The following GABRA3 variants were observed in gnomAD, a reference collection of about 807,000 sequenced individuals.
GABRA3 encodes gamma-aminobutyric acid receptor subunit alpha-3.
Under a neutral mutation model 30.1 loss-of-function variants are expected in GABRA3, and 10 were observed. The ratio of observed to expected loss-of-function variants is 0.33; its 90% CI spans 0.20 to 0.56. The LOEUF (loss-of-function observed/expected upper bound fraction) is 0.56. Among genes scored for constraint, GABRA3 ranks in the 20% least tolerant of loss-of-function variants. GABRA3 has a pLI of 0.89. For synonymous variants in GABRA3, 151 were observed against 146.8 expected (o/e 1.03, Z -0.21); for missense variants, 233 against 392.0 (o/e 0.59, Z 3.42).
At chrX:152,258,193 G>A (rs756759037) in intron 4 of GABRA3, among the ~76,000 whole-genome samples, 25 of 111,969 alleles carry the variant, frequency 2.2e-4, no homozygotes, top group African/African-American at 5.8e-4. Context: ...AAGGTTATGA[G>A]GGGAAGGGAG....
intron 1 of GABRA3, among the ~76,000 whole-genome samples, chrX:152,369,823 C>G (rs939124280): frequency 3.6e-5 from 4 of 110,401 alleles, no homozygotes; most frequent in African/African-American, 1.3e-4. Context: ...AGATATATGC[C>G]CAATGCATAG....
chrX:152,256,521 A>G (rs1938639917), intron 4 of GABRA3, among the ~76,000 whole-genome samples: 1 of 112,185 alleles, frequency 8.9e-6, no homozygotes, highest in Non-Finnish European at 1.9e-5. Context: ...TAAATAAGAT[A>G]AAAAACATAC....
chrX:152,327,585 C>G (rs2124471077), intron 3 of GABRA3, among the ~76,000 whole-genome samples: 1 of 111,992 alleles, frequency 8.9e-6, no homozygotes, highest in South Asian at 3.7e-4. Flanking sequence ...ACTGAACAAC[C>G]TGCTCCTGAA....
At position 152,308,497 on chromosome X, in the gene GABRA3, C is replaced by A. The variant is rs762546436; in HGVS notation, c.263-23762G>T. Among the ~76,000 whole-genome samples, 3 of 112,286 alleles carry A rather than the reference C, an allele frequency of 2.7e-5. No individual in the cohort carries two copies. The South Asian group carries it at 1.1e-3, about 42-fold the overall frequency. ...AACAAAGCAGAGGGCCTGGTCTCAG[C>A]CCTCCAGGATTAGAGCACACAGCCC... is the stretch of plus-strand genomic sequence containing the variant. On this transcript the variant is annotated intron_variant, in intron 3 of 9. Transcript: ENST00000370314.
chrX:152,216,708 A>G (rs758946545), intron 6 of GABRA3, among the ~76,000 whole-genome samples: 4 of 109,942 alleles, frequency 3.6e-5, no homozygotes, highest in African/African-American at 1.3e-4. Flanking sequence ...GGTACAAGGT[A>G]CAGTTGGATA....
intron 9 of GABRA3, among the ~76,000 whole-genome samples, chrX:152,186,361 C>T (rs755449410): frequency 3.6e-5 from 4 of 110,167 alleles, no homozygotes; most frequent in Non-Finnish European, 7.6e-5. Flanking sequence ...GCTACCGTGC[C>T]CAGCTAATTT....
At chrX:152,283,994 G>A (rs762322348) in intron 4 of GABRA3, among the ~76,000 whole-genome samples, 93 of 110,817 alleles carry the variant, frequency 8.4e-4, no homozygotes, top group African/African-American at 2.7e-3. Flanking sequence ...AGTATATATC[G>A]ATAGGGTATC....
chrX:152,223,749 T>G (rs1937886009), intron 6 of GABRA3, among the ~76,000 whole-genome samples: 1 of 110,441 alleles, frequency 9.1e-6, no homozygotes, highest in Admixed American at 9.7e-5. Context: ...CACCCTACTT[T>G]CAATTTCAGT....
Position 152,361,571 on chromosome X carries a change from C to CAAA in GABRA3, c.140+2857_140+2859dup, listed in dbSNP as rs35341591. 2.6e-4 allele frequency among the ~76,000 whole-genome samples: 9 copies of CAAA among 34,938 alleles called. 1 individual carries two copies. Among genetic ancestry groups the CAAA allele is most frequent in the African/African-American group, 8.3e-4 (9 of 10,851 alleles). The allele number at this position is 34,938 out of a possible 115,157, so 30.3% of individuals were successfully genotyped here. A position where few individuals can be genotyped will look rare whatever the true frequency, so the allele number is the denominator to read the frequency against. On this transcript the variant is annotated intron_variant, in intron 2 of 9. Coordinates refer to ENST00000370314, the MANE Select transcript of GABRA3 (RefSeq NM_000808.4). ...CTGGGTGAAGAGTGAGACTCCATCT[C>CAAA]AAAAAAAAAAAAAAAAAAAAAATTC...
At chrX:152,358,484 G>A (rs1401862343) in intron 2 of GABRA3, among the ~76,000 whole-genome samples, 2 of 111,457 alleles carry the variant, frequency 1.8e-5, no homozygotes, top group Admixed American at 9.6e-5. Context: ...CATATTGTCT[G>A]CAAACAGAGA....
In GABRA3 at chrX:152,168,075, G is replaced by T; in HGVS notation, c.*153C>A. ...AGTAATTTTTCTGTAGTTATTTTTT[G>T]CGTAGAGATTCATAAATATGAATTG... On this transcript the variant is annotated 3_prime_UTR_variant, in exon 10 of 10. Transcript: ENST00000370314. 1 of 463,883 alleles carries T rather than the reference G, an allele frequency of 2.2e-6. No homozygotes were observed. The highest frequency in any genetic ancestry group is 3.7e-6 in the Non-Finnish European group (1 of 270,483). The allele number at this position is 463,883 out of a possible 1,213,427, so 38.2% of individuals were successfully genotyped here. A position where few individuals can be genotyped will look rare whatever the true frequency, so the allele number is the denominator to read the frequency against.
At chrX:152,206,513 G>A (rs1171963583) in intron 7 of GABRA3, among the ~76,000 whole-genome samples, 1 of 111,962 alleles carries the variant, frequency 8.9e-6, no homozygotes, top group Non-Finnish European at 1.9e-5. Context: ...TACCTGTGCA[G>A]CCAGTGCAGG....
chrX:152,221,750 A>C (rs149280478), intron 6 of GABRA3, among the ~76,000 whole-genome samples: 3,819 of 111,606 alleles, frequency 0.034, 61 homozygotes, highest in Middle Eastern at 0.069. Flanking sequence ...AGGGGTACAT[A>C]TGCAGGATGT....
At chrX:152,413,467 A>C (rs770419390) in intron 1 of GABRA3, among the ~76,000 whole-genome samples, 1 of 111,827 alleles carries the variant, frequency 8.9e-6, no homozygotes, top group African/African-American at 3.2e-5. Context: ...TATACATCTT[A>C]ATTAAGTAAG....
intron 5 of GABRA3, among the ~76,000 whole-genome samples, chrX:152,230,683 C>T (rs1225950825): frequency 9.0e-6 from 1 of 110,706 alleles, no homozygotes; most frequent in African/African-American, 3.3e-5. Context: ...TGATTTTTGA[C>T]CAAGGTGCCA....
chrX:152,407,212 A>G (rs192703434), intron 1 of GABRA3, among the ~76,000 whole-genome samples: 66 of 111,847 alleles, frequency 5.9e-4, no homozygotes, highest in African/African-American at 2.0e-3. Context: ...AGTTAGTAGA[A>G]GAAAGGAAAT....
chrX:152,287,855 G>T (rs147278502), intron 3 of GABRA3, among the ~76,000 whole-genome samples: 206 of 109,461 alleles, frequency 1.9e-3, no homozygotes, highest in African/African-American at 6.4e-3. Flanking sequence ...TTACCTGCCA[G>T]ACTCTTTCCA....
At chrX:152,443,707 T>G (rs186019457) in intron 1 of GABRA3, among the ~76,000 whole-genome samples, 5 of 111,097 alleles carry the variant, frequency 4.5e-5, no homozygotes, top group Non-Finnish European at 9.4e-5. Flanking sequence ...AGAGTGAGTG[T>G]TGGAAAAGAT....
At chrX:152,342,166 C>A (rs1390251790) in intron 3 of GABRA3, among the ~76,000 whole-genome samples, 1 of 112,632 alleles carries the variant, frequency 8.9e-6, no homozygotes, top group Non-Finnish European at 1.9e-5. Flanking sequence ...CCACCACGCC[C>A]GGCCCTATTG....
Sources: gnomAD v4.1 joint callset for allele counts (sites outside exome capture counted in the v4.1 genomes callset) on GRCh38, gnomAD v4.1.1 for gene constraint, MANE v1.5 for transcripts, NCBI Gene and HGNC (gene_info 2026-07-23, HGNC 2026-07-21) for gene names.